Variants in HSDL2 observed in about 807,000 individuals in gnomAD.
The protein encoded by HSDL2 is hydroxysteroid dehydrogenase-like protein 2.
HSDL2 carries 27 observed loss-of-function variants against 46.3 expected under a neutral mutation model. The observed-to-expected ratio is 0.58, with a 90% CI of 0.43 to 0.80. HSDL2 has a LOEUF of 0.80. HSDL2 is among the 30% of genes least tolerant of loss of function. The pLI is 0.00. For synonymous variants in HSDL2, 153 were observed against 163.6 expected, an observed-to-expected ratio of 0.94 and a Z score of 0.50; for missense variants, 451 against 502.7, an observed-to-expected ratio of 0.90 and a Z score of 0.98.
chr9:112,469,302 G>A (rs1428763650), intron 10 of HSDL2, among the ~76,000 whole-genome samples: 13 of 152,020 alleles, frequency 8.6e-5, no homozygotes, highest in Non-Finnish European at 1.9e-4. Flanking sequence ...GCACAGGGGT[G>A]GGGAGGGTGG....
In HSDL2 at chr9:112,471,576, C is replaced by T. The variant is rs377234944; in HGVS notation, c.*1032C>T. On this transcript the variant is annotated 3_prime_UTR_variant, in exon 11 of 11. Transcript: ENST00000398805. ...GAGAAATAAATTTCTGTTGTTAAGC[C>T]GTCCACTGTGGGAGGCCGACGCAGG... The T allele has an allele frequency of 7.2e-5, 11 of 152,332 alleles. No homozygotes were observed. The East Asian group carries it at 7.7e-4, about 11-fold the overall frequency. The allele number at this position is 152,332 out of a possible 1,614,324, so 9.4% of individuals were successfully genotyped here.
At chr9:112,460,779 T>G (rs1177270594) in intron 10 of HSDL2, among the ~76,000 whole-genome samples, 1 of 151,958 alleles carries the variant, frequency 6.6e-6, no homozygotes, top group Non-Finnish European at 1.5e-5. Flanking sequence ...AAAAAGAAAA[T>G]AAAATTATTT....
intron 10 of HSDL2, among the ~76,000 whole-genome samples, chr9:112,461,270 G>A (rs1322974810): frequency 2.0e-5 from 3 of 152,078 alleles, no homozygotes; most frequent in Non-Finnish European, 4.4e-5. Context: ...GTAAAGACAG[G>A]GTTTCACCAT....
intron 6 of HSDL2, among the ~76,000 whole-genome samples, chr9:112,430,313 T>A (rs1262576540): frequency 6.6e-6 from 1 of 152,100 alleles, no homozygotes; most frequent in Admixed American, 6.5e-5. Context: ...TCCTGTGGAC[T>A]AGTATGGCTG....
intron 4 of HSDL2, among the ~76,000 whole-genome samples, chr9:112,416,522 G>T (rs1831997984): frequency 6.6e-6 from 1 of 151,640 alleles, no homozygotes; most frequent in African/African-American, 2.4e-5. Context: ...GGAGTCTGAG[G>T]TAGGAGGAGT....
chr9:112,393,203 C>T (rs190278134), intron 1 of HSDL2, among the ~76,000 whole-genome samples: 24 of 152,298 alleles, frequency 1.6e-4, no homozygotes, highest in African/African-American at 4.8e-4. Flanking sequence ...CCTGACCTAA[C>T]GCCTCAGCTC....
chr9:112,465,909 T>C (rs1486163198), intron 10 of HSDL2, among the ~76,000 whole-genome samples: 2 of 152,206 alleles, frequency 1.3e-5, no homozygotes, highest in Non-Finnish European at 2.9e-5. Flanking sequence ...TACATGGGAG[T>C]AGAATTCTAG....
At chr9:112,431,075 TA>T (rs1347240735) in intron 6 of HSDL2, among the ~76,000 whole-genome samples, 7 of 141,664 alleles carry the variant, frequency 4.9e-5, no homozygotes, top group African/African-American at 1.9e-4. Flanking sequence ...AAAAAAAATT[TA>T]AAAAAAATAA....
At chr9:112,385,922 G>A (rs894610686) in intron 1 of HSDL2, among the ~76,000 whole-genome samples, 21 of 151,786 alleles carry the variant, frequency 1.4e-4, no homozygotes, top group African/African-American at 4.1e-4. Context: ...CACCATGCCC[G>A]GCCAATTTTT....
At chr9:112,404,806 A>G (rs1831688329) in intron 2 of HSDL2, among the ~76,000 whole-genome samples, 1 of 152,220 alleles carries the variant, frequency 6.6e-6, no homozygotes, top group Non-Finnish European at 1.5e-5. Flanking sequence ...TGACATTGCT[A>G]GTTTTGTTAA....
intron 4 of HSDL2, among the ~76,000 whole-genome samples, chr9:112,416,589 A>G (rs1203021795): frequency 3.7e-5 from 1 of 27,022 alleles, no homozygotes; most frequent in African/African-American, 7.2e-5. Flanking sequence ...CCCTGTCTCT[A>G]AAAAAAAAAA....
In HSDL2 at chr9:112,425,960, C is replaced by T. The variant is rs187808431; in HGVS notation, c.598+7002C>T. On this transcript the variant is annotated intron_variant, in intron 6 of 10. Coordinates refer to ENST00000398805, the MANE Select transcript of HSDL2 (RefSeq NM_032303.5). ...CTTGCCATGTTATTCAGGCTGGTCT[C>T]GAACTCCTGGGCTCAGGAAATCCTT... 2.0e-5 allele frequency among the ~76,000 whole-genome samples: 3 copies of T among 152,222 alleles called. No individual in the cohort carries two copies. The East Asian group carries it at 5.8e-4, about 29-fold the overall frequency.
At chr9:112,385,183 G>C (rs7039649) in intron 1 of HSDL2, among the ~76,000 whole-genome samples, 1 of 152,084 alleles carries the variant, frequency 6.6e-6, no homozygotes, top group Non-Finnish European at 1.5e-5. Context: ...GGAAGGGATA[G>C]TTTTTCACAT....
chr9:112,461,559 C>A (rs1362600097), intron 10 of HSDL2, among the ~76,000 whole-genome samples: 1 of 152,176 alleles, frequency 6.6e-6, no homozygotes, highest in Non-Finnish European at 1.5e-5. Flanking sequence ...GTATTGTCAA[C>A]TTCTAAATGG....
intron 10 of HSDL2, among the ~76,000 whole-genome samples, chr9:112,463,772 T>C (rs566175037): frequency 1.2e-4 from 19 of 152,244 alleles, no homozygotes; most frequent in Middle Eastern, 3.4e-3. Flanking sequence ...GCAATTCTCA[T>C]GTCTCAGCCT....
chr9:112,442,185 C>T (rs1193134992), intron 8 of HSDL2, among the ~76,000 whole-genome samples: 1 of 148,768 alleles, frequency 6.7e-6, no homozygotes, highest in Non-Finnish European at 1.5e-5. Flanking sequence ...GGGAGGATCA[C>T]CTGATCCCGG....
At chr9:112,460,791 T>C (rs1453094175) in intron 10 of HSDL2, among the ~76,000 whole-genome samples, 1 of 152,134 alleles carries the variant, frequency 6.6e-6, no homozygotes, top group Non-Finnish European at 1.5e-5. Flanking sequence ...AAATTATTTT[T>C]ACCATACCAC....
intron 7 of HSDL2, among the ~76,000 whole-genome samples, chr9:112,439,087 A>G (rs1023839267): frequency 6.6e-6 from 1 of 152,014 alleles, no homozygotes; most frequent in African/African-American, 2.4e-5. Flanking sequence ...TGCAACCTCT[A>G]CCTCCCAGGC....
chr9:112,425,645 T>G (rs1832227140), intron 6 of HSDL2, among the ~76,000 whole-genome samples: 1 of 152,214 alleles, frequency 6.6e-6, no homozygotes, highest in African/African-American at 2.4e-5. Context: ...TTTGTTTAAT[T>G]TTCTTATTAG....
Sources: gnomAD v4.1 joint callset for allele counts (sites outside exome capture counted in the v4.1 genomes callset) on GRCh38, gnomAD v4.1.1 for gene constraint, MANE v1.5 for transcripts, NCBI Gene and HGNC (gene_info 2026-07-23, HGNC 2026-07-21) for gene names.